Variants in MYO15A observed in about 807,000 individuals in gnomAD.
MYO15A encodes the protein unconventional myosin-XV.
Under a neutral mutation model 394.6 loss-of-function variants are expected in MYO15A, and 308 were observed. The ratio of observed to expected loss-of-function variants is 0.78; its 90% CI spans 0.71 to 0.86. The LOEUF is 0.86. Ranked by LOEUF, MYO15A falls within the 40% of genes least tolerant of loss-of-function variation. The pLI is 0.00. For synonymous variants in MYO15A, 1,957 were observed against 2,003.8 expected (o/e 0.98, Z 0.62); for missense variants, 4,606 against 4,799.1 (o/e 0.96, Z 1.19).
rs1163976044 is a variant in MYO15A, at chr17:18,121,953, C to T, written c.3153C>T (p.Leu1051=). Residue 1051 remains leucine, a synonymous_variant, in exon 2 of 66, where the codon CTC becomes CTT. Coordinates refer to ENST00000647165, the MANE Select transcript of MYO15A (RefSeq NM_016239.4). The surrounding 1 kb of genome is among the most constrained non-coding windows in gnomAD (Gnocchi z 5.3). ...ATATCACTCCCCCCAAGGATGTCCT[C>T]CCAGAGCAAAAGACATTAAGGCCCA... The part of the protein sequence containing the change: ...PKDITPPKDV[L]PEQKTLRPSL... The T allele has an allele frequency of 1.2e-6, 2 of 1,612,224 alleles. No individual in the cohort carries two copies. The highest frequency in any genetic ancestry group is 1.4e-5 in the African/African-American group (1 of 73,910).
At chr17:18,116,861 A>G (rs930394910) in intron 1 of MYO15A, among the ~76,000 whole-genome samples, 3 of 151,874 alleles carry the variant, frequency 2.0e-5, no homozygotes, top group Non-Finnish European at 2.9e-5. Flanking sequence ...CGGAGGTTGC[A>G]GTGAGCCGAG....
rs1395271456 is a variant in MYO15A, at chr17:18,148,744, G to C, written c.6765-17G>C. The C allele has an allele frequency of 5.7e-6, 9 of 1,584,766 alleles. No homozygotes were observed. In the South Asian group the frequency reaches 1.0e-4, roughly 18 times the overall value. Reference sequence around the variant, plus strand: ...GACTCTGTCCCTCATTTCCATTCCTGTGCATGCCATCACCAGGGGGCTGGC... The same window carrying C: ...GACTCTGTCCCTCATTTCCATTCCTCTGCATGCCATCACCAGGGGGCTGGC... On this transcript the variant is annotated splice_polypyrimidine_tract_variant and intron_variant, in intron 32 of 65. Coordinates refer to ENST00000647165, the MANE Select transcript of MYO15A (RefSeq NM_016239.4). The surrounding 1 kb of genome is among the most constrained non-coding windows in gnomAD (Gnocchi z 4.8).
At position 18,132,367 on chromosome 17, in the gene MYO15A, T is replaced by C; in HGVS notation, c.4207-86T>C. The C allele has an allele frequency of 9.5e-7, 1 of 1,047,930 alleles. No homozygotes were observed. The highest frequency in any genetic ancestry group is 1.3e-5 in the South Asian group (1 of 78,722). The allele number at this position is 1,047,930 out of a possible 1,614,324, so 64.9% of individuals were successfully genotyped here. A position where few individuals can be genotyped will look rare whatever the true frequency, so the allele number is the denominator to read the frequency against. ...GCAGCCCACTGTGTGCATGTGCACT[T>C]GTGGGCAGGCTTGGGCTTGTATGTG... On this transcript the variant is annotated intron_variant, in intron 10 of 65. Transcript: ENST00000647165. The surrounding 1 kb of genome is among the most constrained non-coding windows in gnomAD (Gnocchi z 4.6).
Position 18,120,085 on chromosome 17 carries a change from A to C in MYO15A, c.1285A>C (p.Met429Leu). 1 of 1,612,546 alleles carries C rather than the reference A, an allele frequency of 6.2e-7. No individual in the cohort carries two copies. The highest frequency in any genetic ancestry group is 8.5e-7 in the Non-Finnish European group (1 of 1,179,418). ...GCCCCACAACCCGTATGCCCACGCCATGGATGACATCGCCGAGCTGGAGGA... is the reference window on the plus strand; with the variant it reads ...GCCCCACAACCCGTATGCCCACGCCCTGGATGACATCGCCGAGCTGGAGGA... ...PSPHNPYAHA[M>L]DDIAELEEPE... is the part of the protein sequence containing the mutation. The change falls in exon 2 of 66, where the codon ATG becomes CTG. Residue 429 changes from methionine (M) to leucine (L), a missense_variant. Physicochemically the swap from Met to Leu is conservative, Grantham distance 15 (BLOSUM62 2). This residue lies in a region of MYO15A where 1,830 missense variants were observed against 1,689.7 expected (regional missense o/e 1.08). Transcript: ENST00000647165.
intron 22 of MYO15A, 69 bp from the exon 23 acceptor site, chr17:18,141,584 A>G: frequency 6.9e-7 from 1 of 1,439,738 alleles, no homozygotes. Context: ...TGGGGGCAGT[A>G]ACCCCATGGT....
At position 18,119,089 on chromosome 17, in the gene MYO15A, C is replaced by G. The variant is rs199689781; in HGVS notation, c.289C>G (p.Arg97Gly). ...MTQMRMGKKK[R>G]AMKGKKPSFM... ...GCAGATGCGCATGGGCAAGAAGAAG[C>G]GGGCGATGAAGGGCAAGAAGCCGTC... Residue 97 changes from arginine to glycine, a missense_variant, in exon 2 of 66, where the codon CGG becomes GGG. Around this residue, in one of 2 missense-constraint regions of MYO15A, gnomAD observed 1,830 missense variants for 1,689.7 expected, o/e 1.08. Coordinates refer to ENST00000647165, the MANE Select transcript of MYO15A (RefSeq NM_016239.4). 3 of 1,611,764 alleles carry G rather than the reference C, an allele frequency of 1.9e-6. No individual in the cohort carries two copies. The highest frequency in any genetic ancestry group is 2.5e-6 in the Non-Finnish European group (3 of 1,179,510).
chr17:18,140,354 A>C (rs1487787284), intron 19 of MYO15A, 163 bp from the exon 20 acceptor site: 6 of 978,724 alleles, frequency 6.1e-6, no homozygotes, highest in Middle Eastern at 2.2e-4. Context: ...ACCTGTTTTG[A>C]GAAGCATGCA....
intron 65 of MYO15A, among the ~76,000 whole-genome samples, chr17:18,174,755 C>G (rs962941292): frequency 1.3e-5 from 2 of 152,198 alleles, no homozygotes; most frequent in African/African-American, 4.8e-5. Flanking sequence ...GAGGTTGACA[C>G]CCACACGTCT....
rs748969088 is a variant in MYO15A, at chr17:18,154,746, G to C, written c.8215G>C (p.Ala2739Pro). The C allele has an allele frequency of 3.1e-6, 5 of 1,613,622 alleles. No homozygotes were observed. ...TGAGGATGAGAGGCTCAGGATGAAG[G>C]CCTTGTTTGGTATCTCGGGGGAGAG... ...ISEDERLRMK[A>P]LFAQNQLDTQ... Residue 2739 changes from alanine (A) to proline (P), a missense_variant, in exon 45 of 66, where the codon GCC becomes CCC. Ala to Pro is a conservative substitution (Grantham distance 27). Coordinates refer to ENST00000647165, the MANE Select transcript of MYO15A (RefSeq NM_016239.4).
At chr17:18,152,073 G>T in intron 41 of MYO15A, 39 bp from the exon 42 acceptor site, 1 of 1,549,548 alleles carries the variant, frequency 6.5e-7, no homozygotes, top group South Asian at 1.2e-5. Context: ...CACAGGGCCT[G>T]CCTGTTGCCC....
In MYO15A at chr17:18,133,405, C is replaced by G; in HGVS notation, c.4482+19C>G. On this transcript the variant is annotated intron_variant, in intron 12 of 65. Coordinates refer to ENST00000647165, the MANE Select transcript of MYO15A (RefSeq NM_016239.4). ...GTATGAGGTGAGGGGACGCCACAGC[C>G]TGCCATGGGGCCCGCACCCTCTGGA... The G allele has an allele frequency of 6.2e-7, 1 of 1,613,726 alleles. No individual in the cohort carries two copies. The highest frequency in any genetic ancestry group is 8.5e-7 in the Non-Finnish European group (1 of 1,179,754).
At chr17:18,149,620 C>A in intron 35 of MYO15A, 40 bp downstream of exon 35, 5 of 1,588,874 alleles carry the variant, frequency 3.1e-6, no homozygotes, top group Non-Finnish European at 4.3e-6. Context: ...AGACAGCAGG[C>A]ACAGCATGTA....
At position 18,120,667 on chromosome 17, in the gene MYO15A, G is replaced by C; in HGVS notation, c.1867G>C (p.Gly623Arg). The change falls in exon 2 of 66, where the codon GGC becomes CGC. Residue 623 changes from glycine (G) to arginine (R), a missense_variant. This residue lies in a region of MYO15A where 1,830 missense variants were observed against 1,689.7 expected (regional missense o/e 1.08). Coordinates refer to ENST00000647165, the MANE Select transcript of MYO15A (RefSeq NM_016239.4). ...GGCTGGCATGGACCCCGAGAAGCCCGGCACGCCCATCGTGCTGAGGAGGGC... is the reference window on the plus strand; with the variant it reads ...GGCTGGCATGGACCCCGAGAAGCCCCGCACGCCCATCGTGCTGAGGAGGGC... ...KLAGMDPEKP[G>R]TPIVLRRAQP... 1 of 1,586,218 alleles carries C rather than the reference G, an allele frequency of 6.3e-7. No individual in the cohort carries two copies. The highest frequency in any genetic ancestry group is 8.5e-7 in the Non-Finnish European group (1 of 1,171,228).
rs1342905510 is a variant in MYO15A, at chr17:18,121,708, C to T, written c.2908C>T (p.Pro970Ser). Residue 970 changes from proline (P) to serine (S), a missense_variant, in exon 2 of 66, where the codon CCT becomes TCT. Physicochemically the swap from Pro to Ser is moderately conservative, Grantham distance 74. Around this residue, in one of 2 missense-constraint regions of MYO15A, gnomAD observed 1,830 missense variants for 1,689.7 expected, o/e 1.08. Coordinates refer to ENST00000647165, the MANE Select transcript of MYO15A (RefSeq NM_016239.4). This position sits in a 1 kb window ranked among gnomAD's most constrained non-coding sequence, Gnocchi z 5.3. ...PENPFLQLLG[P>S]VPSPTLQPED... ...AAACCCCTTTCTCCAGCTCCTGGGC[C>T]CTGTGCCATCCCCCACCCTCCAGCC... The T allele has an allele frequency of 1.2e-6, 2 of 1,604,396 alleles. No individual in the cohort carries two copies. Among genetic ancestry groups the T allele is most frequent in the South Asian group, 1.1e-5 (1 of 90,280 alleles).
Position 18,132,395 on chromosome 17 carries a change from C to A in MYO15A, c.4207-58C>A. ...GGGCAGGCTTGGGCTTGTATGTGTG[C>A]CTGGGGGTCACCTAGGTAGGTGGCT... is the stretch of plus-strand genomic sequence containing the variant. On this transcript the variant is annotated intron_variant, in intron 10 of 65. Transcript: ENST00000647165. The surrounding 1 kb of genome is among the most constrained non-coding windows in gnomAD (Gnocchi z 4.6). 7.2e-7 allele frequency: 1 copy of A among 1,391,368 alleles called. No individual in the cohort carries two copies. Among genetic ancestry groups the A allele is most frequent in the Non-Finnish European group, 1.0e-6 (1 of 980,936 alleles). The allele number at this position is 1,391,368 out of a possible 1,614,324, so 86.2% of individuals were successfully genotyped here.
chr17:18,155,367 A>C lies in MYO15A; in HGVS notation c.8394A>C (p.Lys2798Asn). 6.2e-7 allele frequency: 1 copy of C among 1,613,626 alleles called. No individual in the cohort carries two copies. Among genetic ancestry groups the C allele is most frequent in the Non-Finnish European group, 8.5e-7 (1 of 1,179,996 alleles). Residue 2798 changes from lysine to asparagine, a missense_variant, in exon 47 of 66, where the codon AAA becomes AAC. Physicochemically the swap from Lys to Asn is moderately conservative, Grantham distance 94 (BLOSUM62 0). Around this residue, in one of 2 missense-constraint regions of MYO15A, gnomAD observed 2,776 missense variants for 3,109.3 expected, o/e 0.89. Transcript: ENST00000647165. Reference sequence around the variant, plus strand: ...TAGCTGTGTCCCACGTGGGCATCAAACTCCTGAGGATGGTCAAGGGTGGCC... The same window carrying C: ...TAGCTGTGTCCCACGTGGGCATCAACCTCCTGAGGATGGTCAAGGGTGGCC... Reference protein sequence around the residue: ...QLLAVSHVGIKLLRMVKGGQE... With the variant: ...QLLAVSHVGINLLRMVKGGQE...
At chr17:18,149,164 G>A in intron 33 of MYO15A, 52 bp from the exon 34 acceptor site, 1 of 1,609,118 alleles carries the variant, frequency 6.2e-7, no homozygotes, top group Non-Finnish European at 8.5e-7. Context: ...AAATTTGGGG[G>A]ATTCTGGGAT....
At position 18,121,922 on chromosome 17, in the gene MYO15A, C is replaced by A. The variant is rs200587502; in HGVS notation, c.3122C>A (p.Pro1041His). ...TPAPPKDVTPPKDITPPKDVL... is the reference protein window; with the variant it reads ...TPAPPKDVTPHKDITPPKDVL... Reference sequence around the variant, plus strand: ...GCACCTCCCAAGGATGTCACTCCCCCCAAGGATATCACTCCCCCCAAGGAT... The same window carrying A: ...GCACCTCCCAAGGATGTCACTCCCCACAAGGATATCACTCCCCCCAAGGAT... Residue 1041 changes from proline to histidine, a missense_variant, in exon 2 of 66, where the codon CCC becomes CAC. By Grantham distance (77) the Pro-to-His change is moderately conservative (BLOSUM62 -2). Coordinates refer to ENST00000647165, the MANE Select transcript of MYO15A (RefSeq NM_016239.4). This position sits in a 1 kb window ranked among gnomAD's most constrained non-coding sequence, Gnocchi z 5.3. 7.8e-5 allele frequency: 126 copies of A among 1,613,276 alleles called. No homozygotes were observed. The African/African-American group carries it at 1.4e-3, about 18-fold the overall frequency.
At chr17:18,127,619 T>A (rs2046073483) in intron 7 of MYO15A, among the ~76,000 whole-genome samples, 1 of 151,668 alleles carries the variant, frequency 6.6e-6, no homozygotes, top group Non-Finnish European at 1.5e-5. Context: ...CAGGCCAGAG[T>A]CTGAAGGATT....
Sources: gnomAD v4.1 joint callset for allele counts (sites outside exome capture counted in the v4.1 genomes callset) on GRCh38, gnomAD v4.1.1 for gene constraint, gnomAD v4.1.1 regional missense constraint, Gnocchi (gnomAD v3.1) non-coding constraint, MANE v1.5 for transcripts, NCBI Gene and HGNC (gene_info 2026-07-23, HGNC 2026-07-21) for gene names.